The following IDNK variants were observed in gnomAD, a reference collection of about 807,000 sequenced individuals.
The protein encoded by IDNK is gluconokinase.
IDNK carries 9 observed loss-of-function variants against 13.0 expected under a neutral mutation model. The observed-to-expected ratio is 0.69, with a 90% CI of 0.42 to 1.21. The LOEUF is 1.21. Ranked by LOEUF, IDNK falls within the 50% of genes most tolerant of loss-of-function variation. The probability of loss-of-function intolerance (pLI) is 0.00; values close to 1 mark genes in which losing one functional copy is unlikely to be tolerated. For synonymous variants in IDNK, 92 were observed against 94.9 expected (o/e 0.97, Z 0.18); for missense variants, 210 against 237.8 (o/e 0.88, Z 0.77).
In IDNK at chr9:83,638,472, T is replaced by C. The variant is rs144982738; in HGVS notation, c.169-3076T>C. On this transcript the variant is annotated intron_variant, in intron 3 of 4. Coordinates refer to ENST00000376419, the MANE Select transcript of IDNK (RefSeq NM_001001551.4). The stretch of plus-strand genomic sequence containing the variant: ...ATGATAAAATGTCAAACTTCCTGGA[T>C]AGCTACAAGGAACCCAAGTAAATAG... Among the ~76,000 whole-genome samples, 615 of 152,254 alleles carry C rather than the reference T, an allele frequency of 4.0e-3. 10 individuals are homozygous for C. Among genetic ancestry groups the C allele is most frequent in the African/African-American group, 0.014 (589 of 41,546 alleles).
intron 3 of IDNK, among the ~76,000 whole-genome samples, chr9:83,640,034 T>C (rs2811916): frequency 0.037 from 5,597 of 152,148 alleles, 159 homozygotes; most frequent in Non-Finnish European, 0.055. Flanking sequence ...CAGTAAGAGA[T>C]GGGAAGGGCA....
chr9:83,631,014 C>A (rs1587608994), intron 3 of IDNK, among the ~76,000 whole-genome samples: 1 of 152,048 alleles, frequency 6.6e-6, no homozygotes, highest in East Asian at 1.9e-4. Context: ...AGAGGTAGAA[C>A]GACAGATGAT....
intron 1 of IDNK, 164 bp from the exon 2 acceptor site, chr9:83,628,017 T>C (rs1830907706): frequency 6.9e-7 from 1 of 1,438,862 alleles, no homozygotes; most frequent in African/African-American, 1.4e-5. Context: ...CTAAGGCCAG[T>C]CTCCAGACTC....
At chr9:83,624,139 T>C (rs1254248284) in intron 1 of IDNK, among the ~76,000 whole-genome samples, 1 of 152,212 alleles carries the variant, frequency 6.6e-6, no homozygotes, top group Non-Finnish European at 1.5e-5. Flanking sequence ...AAAAGAAATC[T>C]TGAACTGCAA....
At chr9:83,637,742 G>T (rs183016531) in intron 3 of IDNK, among the ~76,000 whole-genome samples, 300 of 152,330 alleles carry the variant, frequency 2.0e-3, no homozygotes, top group Non-Finnish European at 3.4e-3. Context: ...AGAGATGGGA[G>T]ATAAGATTGT....
chr9:83,629,088 G>C lies in IDNK; in HGVS notation c.168+129G>C, dbSNP rs949719438. On this transcript the variant is annotated intron_variant, in intron 3 of 4. Coordinates refer to ENST00000376419, the MANE Select transcript of IDNK (RefSeq NM_001001551.4). ...GTACAGGGGCTACAAAGAGCCAGGT[G>C]CCCAGTAGATCCTCTACATATGTTA... 1.8e-5 allele frequency: 13 copies of C among 733,048 alleles called. No individual in the cohort carries two copies. The African/African-American group carries it at 2.1e-4, about 12-fold the overall frequency. 45.4% of individuals were successfully genotyped at this position (733,048 alleles called of 1,614,324 possible).
chr9:83,626,219 C>A (rs543958562), intron 1 of IDNK, among the ~76,000 whole-genome samples: 1 of 152,112 alleles, frequency 6.6e-6, no homozygotes, highest in Admixed American at 6.5e-5. Context: ...TATTTTTGGG[C>A]CCAGCACTGT....
At chr9:83,625,004 C>T (rs957742512) in intron 1 of IDNK, among the ~76,000 whole-genome samples, 1 of 151,026 alleles carries the variant, frequency 6.6e-6, no homozygotes, top group African/African-American at 2.5e-5. Flanking sequence ...CGTGAGCCAC[C>T]GCGCCCAGCT....
At chr9:83,636,730 A>C (rs1040408546) in intron 3 of IDNK, among the ~76,000 whole-genome samples, 2 of 152,240 alleles carry the variant, frequency 1.3e-5, no homozygotes, top group African/African-American at 4.8e-5. Context: ...TCTCAGTCTA[A>C]TGGAGAAATT....
At position 83,643,457 on chromosome 9, in the gene IDNK, C is replaced by G; in HGVS notation, c.241C>G (p.Leu81Val). 6.2e-7 allele frequency: 1 copy of G among 1,613,168 alleles called. No individual in the cohort carries two copies. The highest frequency in any genetic ancestry group is 8.5e-7 in the Non-Finnish European group (1 of 1,179,650). The change falls in exon 5 of 5, where the codon CTA becomes GTA. Residue 81 changes from leucine to valine, a missense_variant. Coordinates refer to ENST00000376419, the MANE Select transcript of IDNK (RefSeq NM_001001551.4). ...TGTAGCCTCGGGACAGCGTGTGGTT[C>G]TAGCCTGTTCAGCCCTGAAGAAAAC... Reference protein sequence around the residue: ...RDVASGQRVVLACSALKKTYR... With the variant: ...RDVASGQRVVVACSALKKTYR...
intron 1 of IDNK, 186 bp downstream of exon 1, chr9:83,623,407 C>A: frequency 1.6e-6 from 1 of 621,938 alleles, no homozygotes. Context: ...GCTCGCGGGG[C>A]GCCCATCCTG....
At chr9:83,637,469 C>T (rs1831195446) in intron 3 of IDNK, among the ~76,000 whole-genome samples, 1 of 152,182 alleles carries the variant, frequency 6.6e-6, no homozygotes, top group African/African-American at 2.4e-5. Context: ...AGATAAATTA[C>T]TGTGAATAAG....
intron 3 of IDNK, among the ~76,000 whole-genome samples, chr9:83,637,340 G>T (rs1587617518): frequency 6.6e-6 from 1 of 152,336 alleles, no homozygotes; most frequent in South Asian, 2.1e-4. Context: ...TGAAGAAAAA[G>T]AAATATTATT....
chr9:83,640,330 A>G (rs1831269932), intron 3 of IDNK, among the ~76,000 whole-genome samples: 1 of 152,234 alleles, frequency 6.6e-6, no homozygotes, highest in Non-Finnish European at 1.5e-5. Flanking sequence ...TGATACCGAC[A>G]TTTAATATGG....
intron 4 of IDNK, 114 bp downstream of exon 4, chr9:83,641,705 A>C (rs1261982466): frequency 9.2e-7 from 1 of 1,092,086 alleles, no homozygotes; most frequent in African/African-American, 1.6e-5. Flanking sequence ...ATGGTAAAGG[A>C]TTCTAGAAAC....
At chr9:83,642,767 C>T (rs781565126) in intron 4 of IDNK, among the ~76,000 whole-genome samples, 9 of 152,240 alleles carry the variant, frequency 5.9e-5, no homozygotes, top group East Asian at 1.9e-4. Flanking sequence ...GGTCTCTGGC[C>T]GCACTGGTTT....
chr9:83,633,688 C>G (rs995547149), intron 3 of IDNK, among the ~76,000 whole-genome samples: 39 of 152,164 alleles, frequency 2.6e-4, no homozygotes, highest in Admixed American at 2.6e-3. Context: ...AATCCCAGAG[C>G]AGCTCAATGA....
At chr9:83,628,774 G>A (rs1830930681) in intron 2 of IDNK, 99 bp from the exon 3 acceptor site, 1 of 813,062 alleles carries the variant, frequency 1.2e-6, no homozygotes, top group Admixed American at 1.9e-5. Flanking sequence ...GAACCAGGCG[G>A]GTGGTATTGT....
At chr9:83,625,177 T>C (rs1587600793) in intron 1 of IDNK, among the ~76,000 whole-genome samples, 1 of 152,160 alleles carries the variant, frequency 6.6e-6, no homozygotes, top group Admixed American at 6.5e-5. Context: ...GGACTGGATG[T>C]TGGGTGTAAG....
Sources: allele counts gnomAD v4.1 joint callset (sites outside exome capture counted in the v4.1 genomes callset), GRCh38; gene constraint gnomAD v4.1.1; transcripts MANE v1.5; gene names NCBI Gene and HGNC (gene_info 2026-07-23, HGNC 2026-07-21).